CFAP61: variants seen among roughly 807,000 people sequenced by gnomAD.
CFAP61 encodes cilia- and flagella-associated protein 61.
A neutral mutation model predicts 135.6 loss-of-function variants in CFAP61; 107 were observed. The observed-to-expected ratio is 0.79, with a 90% CI of 0.67 to 0.93. The LOEUF (loss-of-function observed/expected upper bound fraction) is 0.93, where lower values mean the gene tolerates loss of function less well. Among genes scored for constraint, CFAP61 ranks in the 40% least tolerant of loss-of-function variants. The probability of loss-of-function intolerance (pLI) is 0.00; values close to 1 mark genes in which losing one functional copy is unlikely to be tolerated. For missense variants in CFAP61, 1,507 were observed against 1,556.2 expected (o/e 0.97, Z 0.53); for synonymous variants, 575 against 578.5 (o/e 0.99, Z 0.09).
chr20:20,278,506 G>A (rs1048169790), intron 22 of CFAP61, among the ~76,000 whole-genome samples: 1 of 152,186 alleles, frequency 6.6e-6, no homozygotes, highest in African/African-American at 2.4e-5. Context: ...GCTGAGGTCG[G>A]TATGAGGATA....
chr20:20,142,152 C>T (rs1026030660), intron 8 of CFAP61, among the ~76,000 whole-genome samples: 1 of 152,122 alleles, frequency 6.6e-6, no homozygotes, highest in South Asian at 2.1e-4. Context: ...GGGTGAAAGA[C>T]CTTTGTAGAC....
rs988556297 is a variant in CFAP61 at position 20,117,922 on chromosome 20, T to A, written c.859+19108T>A. Among the ~76,000 whole-genome samples the A allele has an allele frequency of 2.0e-5, 3 of 152,224 alleles. No individual in the cohort carries two copies. The East Asian group carries it at 5.8e-4, about 29-fold the overall frequency. ...TGTTGGTGATAAAATACTACTGATT[T>A]TTGTATTTTAGTTTTGTATCCTGCA... is the stretch of plus-strand genomic sequence containing the variant. On this transcript the variant is annotated intron_variant, in intron 8 of 26. Coordinates refer to ENST00000245957, the MANE Select transcript of CFAP61 (RefSeq NM_015585.4).
At chr20:20,311,871 A>G (rs946587940) in intron 25 of CFAP61, among the ~76,000 whole-genome samples, 6 of 152,196 alleles carry the variant, frequency 3.9e-5, no homozygotes, top group African/African-American at 1.2e-4. Context: ...GCCTGTTCCC[A>G]CCAGCCAGAC....
At chr20:20,174,878 G>C (rs903574953) in intron 13 of CFAP61, among the ~76,000 whole-genome samples, 3 of 152,232 alleles carry the variant, frequency 2.0e-5, no homozygotes, top group Non-Finnish European at 2.9e-5. Flanking sequence ...CACCTTGCTG[G>C]GTTCCTGGCA....
At chr20:20,305,611 C>T (rs915129763) in intron 25 of CFAP61, among the ~76,000 whole-genome samples, 1 of 152,240 alleles carries the variant, frequency 6.6e-6, no homozygotes, top group African/African-American at 2.4e-5. Flanking sequence ...GTGTGCCAGG[C>T]CACTGACCTG....
At chr20:20,113,651 G>A (rs983709347) in intron 8 of CFAP61, among the ~76,000 whole-genome samples, 4 of 151,998 alleles carry the variant, frequency 2.6e-5, no homozygotes, top group African/African-American at 4.8e-5. Flanking sequence ...ACACGTAATC[G>A]ATTTTCACAT....
intron 22 of CFAP61, among the ~76,000 whole-genome samples, chr20:20,287,199 A>AT (rs1181773869): frequency 6.6e-6 from 1 of 152,178 alleles, no homozygotes; most frequent in Non-Finnish European, 1.5e-5. Flanking sequence ...AGAAAAAAAA[A>AT]GAAAAAGACT....
intron 2 of CFAP61, among the ~76,000 whole-genome samples, chr20:20,068,458 C>T (rs981478423): frequency 6.6e-6 from 1 of 152,166 alleles, no homozygotes; most frequent in Non-Finnish European, 1.5e-5. Context: ...ATACTGTATT[C>T]TAGGAACCTG....
intron 26 of CFAP61, 40 bp downstream of exon 26, chr20:20,341,961 A>G (rs1412725707): frequency 7.2e-7 from 1 of 1,385,760 alleles, no homozygotes. Context: ...TTCCTTGCAA[A>G]TTATAAGCAG....
intron 26 of CFAP61, among the ~76,000 whole-genome samples, chr20:20,358,043 G>A (rs1431264540): frequency 6.9e-6 from 1 of 145,168 alleles, no homozygotes; most frequent in African/African-American, 2.6e-5. Flanking sequence ...CTGAGGAGAG[G>A]TGGTCATAGT....
At chr20:20,161,445 G>T (rs1220546661) in intron 10 of CFAP61, among the ~76,000 whole-genome samples, 4 of 152,206 alleles carry the variant, frequency 2.6e-5, no homozygotes, top group Non-Finnish European at 5.9e-5. Context: ...GATATTGGAA[G>T]ATAAGCACTT....
chr20:20,195,900 G>A (rs940391468), intron 15 of CFAP61, among the ~76,000 whole-genome samples: 16 of 152,118 alleles, frequency 1.1e-4, no homozygotes, highest in African/African-American at 3.9e-4. Context: ...CCAACATGGT[G>A]AAACCCTATC....
chr20:20,230,898 GCAT>G (rs1365206782), intron 18 of CFAP61, among the ~76,000 whole-genome samples: 1 of 152,172 alleles, frequency 6.6e-6, no homozygotes, highest in Non-Finnish European at 1.5e-5. Flanking sequence ...CTCAGCAGGG[GCAT>G]CATCATTCCT....
intron 13 of CFAP61, among the ~76,000 whole-genome samples, chr20:20,186,700 A>G (rs1034445518): frequency 1.2e-4 from 18 of 151,990 alleles, no homozygotes; most frequent in African/African-American, 4.4e-4. Flanking sequence ...TTAATTATAG[A>G]TACAGATATT....
intron 21 of CFAP61, among the ~76,000 whole-genome samples, chr20:20,269,117 CTA>C (rs142189443): frequency 0.084 from 8,782 of 104,288 alleles, 729 homozygotes; most frequent in East Asian, 0.38. Flanking sequence ...TATTCGTGGG[CTA>C]TATATATATA....
At chr20:20,262,802 GTGTTT>G (rs2052365197) in intron 20 of CFAP61, among the ~76,000 whole-genome samples, 149 bp from the exon 21 acceptor site, 1 of 123,508 alleles carries the variant, frequency 8.1e-6, no homozygotes. Context: ...ACCTGTTTTT[GTGTTT>G]TTTTTTTTTT....
chr20:20,317,415 C>T (rs1601973850), intron 25 of CFAP61, among the ~76,000 whole-genome samples: 1 of 152,220 alleles, frequency 6.6e-6, no homozygotes, highest in African/African-American at 2.4e-5. Flanking sequence ...GCGTGCTGCT[C>T]AGCGGTGTCC....
intron 21 of CFAP61, among the ~76,000 whole-genome samples, chr20:20,263,600 G>T (rs2052448361): frequency 6.6e-6 from 1 of 152,026 alleles, no homozygotes; most frequent in African/African-American, 2.4e-5. Context: ...CAAATACACA[G>T]ACTCGAGTTG....
At chr20:20,205,764 T>A (rs1315160463) in intron 17 of CFAP61, among the ~76,000 whole-genome samples, 1 of 152,258 alleles carries the variant, frequency 6.6e-6, no homozygotes, top group Non-Finnish European at 1.5e-5. Flanking sequence ...CTGTCTGCAG[T>A]TAGCTCTCTG....
Sources: gnomAD v4.1 joint callset for allele counts (sites outside exome capture counted in the v4.1 genomes callset) on GRCh38, gnomAD v4.1.1 for gene constraint, MANE v1.5 for transcripts, NCBI Gene and HGNC (gene_info 2026-07-23, HGNC 2026-07-21) for gene names.